ZSWIM6: variants seen among roughly 807,000 people sequenced by gnomAD.
ZSWIM6 encodes zinc finger SWIM-type containing 6.
Under a neutral mutation model 113.2 loss-of-function variants are expected in ZSWIM6, and 9 were observed. The observed-to-expected ratio is 0.08, with a 90% CI of 0.05 to 0.14. The LOEUF (loss-of-function observed/expected upper bound fraction) is 0.14. ZSWIM6 is among the 10% of genes least tolerant of loss of function. ZSWIM6 has a pLI of 1.00. For missense variants in ZSWIM6, 1,162 were observed against 1,552.2 expected (o/e 0.75, Z 4.22); for synonymous variants, 611 against 606.5 (o/e 1.01, Z -0.11).
intron 1 of ZSWIM6, among the ~76,000 whole-genome samples, chr5:61,382,145 TCCTG>T (rs1321367121): frequency 6.6e-6 from 1 of 152,224 alleles, no homozygotes; most frequent in African/African-American, 2.4e-5. Context: ...TGATGGCTGG[TCCTG>T]CATGCTGTGT....
intron 1 of ZSWIM6, among the ~76,000 whole-genome samples, chr5:61,464,158 A>ATTTTTTTTTTTTTTTTTTTTTTT (rs869288331): frequency 9.2e-5 from 4 of 43,522 alleles, no homozygotes; most frequent in Admixed American, 3.6e-4. Flanking sequence ...CACCCGGCTA[A>ATTTTTTTTTTTTTTTTTTTTTTT]TTTTTTTTTT....
chr5:61,334,139 G>A (rs934365653), intron 1 of ZSWIM6, among the ~76,000 whole-genome samples: 2 of 152,196 alleles, frequency 1.3e-5, no homozygotes, highest in South Asian at 2.1e-4. Flanking sequence ...TTGTGATTTA[G>A]AGCTGCACAG....
At chr5:61,473,079 CT>C in intron 2 of ZSWIM6, 42 bp downstream of exon 2, 7 of 1,218,728 alleles carry the variant, frequency 5.7e-6, no homozygotes, top group Admixed American at 3.1e-5. Context: ...TCTCTGGATC[CT>C]TTTTCACTTA....
At chr5:61,446,994 C>G (rs1313810106) in intron 1 of ZSWIM6, among the ~76,000 whole-genome samples, 2 of 152,050 alleles carry the variant, frequency 1.3e-5, no homozygotes, top group Non-Finnish European at 2.9e-5. Context: ...GGCTATAAAC[C>G]AAAATTTTGG....
chr5:61,397,153 G>A (rs1332238114), intron 1 of ZSWIM6, among the ~76,000 whole-genome samples: 1 of 152,084 alleles, frequency 6.6e-6, no homozygotes, highest in Admixed American at 6.5e-5. Context: ...TTTGGACATT[G>A]GTTTAGACTC....
intron 4 of ZSWIM6, among the ~76,000 whole-genome samples, chr5:61,515,408 T>TA (rs1175624684): frequency 6.6e-6 from 1 of 152,176 alleles, no homozygotes; most frequent in African/African-American, 2.4e-5. Flanking sequence ...GTGCTGGGAT[T>TA]ACAGGCGTGA....
chr5:61,485,605 G>A (rs55838118), intron 2 of ZSWIM6, among the ~76,000 whole-genome samples: 57,208 of 151,856 alleles, frequency 0.38, 10,935 homozygotes, highest in South Asian at 0.43. Context: ...CATCTCCCGT[G>A]CTTCACATAT....
At chr5:61,423,549 G>C (rs1746398413) in intron 1 of ZSWIM6, among the ~76,000 whole-genome samples, 1 of 152,164 alleles carries the variant, frequency 6.6e-6, no homozygotes, top group African/African-American at 2.4e-5. Context: ...TAGGTGATCA[G>C]AAAGGAAGTG....
At chr5:61,520,549 A>G (rs1429714867) in intron 4 of ZSWIM6, among the ~76,000 whole-genome samples, 1 of 152,170 alleles carries the variant, frequency 6.6e-6, no homozygotes, top group East Asian at 1.9e-4. Context: ...GATTTCAACT[A>G]TATTTTTAAA....
chr5:61,366,256 C>T (rs1745148434), intron 1 of ZSWIM6, among the ~76,000 whole-genome samples: 1 of 152,164 alleles, frequency 6.6e-6, no homozygotes, highest in South Asian at 2.1e-4. Context: ...TGTTTTTATG[C>T]ATTTTTTGAG....
chr5:61,396,223 A>G (rs1745834447), intron 1 of ZSWIM6, among the ~76,000 whole-genome samples: 1 of 152,172 alleles, frequency 6.6e-6, no homozygotes, highest in South Asian at 2.1e-4. Context: ...CTGACCATGC[A>G]TATTTATTTT....
intron 1 of ZSWIM6, among the ~76,000 whole-genome samples, chr5:61,334,724 C>G (rs1295864221): frequency 6.6e-6 from 1 of 152,148 alleles, no homozygotes; most frequent in Admixed American, 6.5e-5. Flanking sequence ...ATTCATCTAT[C>G]CTTTTTTCCT....
chr5:61,507,545 TC>T (rs1748658062), intron 4 of ZSWIM6, among the ~76,000 whole-genome samples: 1 of 152,218 alleles, frequency 6.6e-6, no homozygotes, highest in Non-Finnish European at 1.5e-5. Context: ...ACTTGAATAA[TC>T]AATCTTGAAT....
intron 1 of ZSWIM6, among the ~76,000 whole-genome samples, chr5:61,414,176 CA>C (rs1168871310): frequency 6.6e-6 from 1 of 151,934 alleles, no homozygotes; most frequent in Non-Finnish European, 1.5e-5. Context: ...AGAGTGGAAG[CA>C]AGGTGTTCAG....
chr5:61,428,092 A>G (rs756452907), intron 1 of ZSWIM6, among the ~76,000 whole-genome samples: 6 of 152,150 alleles, frequency 3.9e-5, no homozygotes, highest in East Asian at 1.9e-4. Context: ...AACATTATCT[A>G]TGGAGGGGAC....
At chr5:61,389,871 G>A (rs988762724) in intron 1 of ZSWIM6, among the ~76,000 whole-genome samples, 43 of 152,158 alleles carry the variant, frequency 2.8e-4, no homozygotes, top group African/African-American at 1.0e-3. Context: ...GAGCCTTGAT[G>A]TACAAAAGAG....
intron 1 of ZSWIM6, among the ~76,000 whole-genome samples, chr5:61,395,117 G>T (rs757988913): frequency 6.6e-6 from 1 of 152,150 alleles, no homozygotes; most frequent in Non-Finnish European, 1.5e-5. Context: ...ACCAAAGGGG[G>T]TACATTTATA....
At chr5:61,528,802 G>C (rs973726501) in intron 7 of ZSWIM6, among the ~76,000 whole-genome samples, 1 of 152,098 alleles carries the variant, frequency 6.6e-6, no homozygotes, top group African/African-American at 2.4e-5. Flanking sequence ...TGGCCAGGCT[G>C]GTCTCGAACT....
intron 1 of ZSWIM6, among the ~76,000 whole-genome samples, chr5:61,411,058 ACT>A (rs1356009288): frequency 6.6e-6 from 1 of 152,216 alleles, no homozygotes; most frequent in Non-Finnish European, 1.5e-5. Flanking sequence ...GTGGATGCTG[ACT>A]GGTCTCTCCA....
Sources: gnomAD v4.1 joint callset for allele counts (sites outside exome capture counted in the v4.1 genomes callset) on GRCh38, gnomAD v4.1.1 for gene constraint, MANE v1.5 for transcripts, NCBI Gene and HGNC (gene_info 2026-07-23, HGNC 2026-07-21) for gene names.